The following CELF4 variants were observed in gnomAD, a reference collection of about 807,000 sequenced individuals.
CELF4 encodes CUGBP Elav-like family member 4.
Under a neutral mutation model 59.9 loss-of-function variants are expected in CELF4, and 18 were observed. That is an observed-to-expected ratio of 0.30 (90% confidence interval 0.21 to 0.45). CELF4 has a LOEUF of 0.45. CELF4 is among the 20% of genes least tolerant of loss of function. The pLI is 1.00. For missense variants in CELF4, 456 were observed against 689.0 expected, an observed-to-expected ratio of 0.66 and a Z score of 3.79; for synonymous variants, 261 against 267.1, an observed-to-expected ratio of 0.98 and a Z score of 0.22.
chr18:37,306,885 G>A (rs1010260382), intron 3 of CELF4, among the ~76,000 whole-genome samples: 1 of 152,208 alleles, frequency 6.6e-6, no homozygotes, highest in Admixed American at 6.5e-5. Context: ...ACTCCGTCAG[G>A]GCGAGATTGC....
In CELF4 at chr18:37,254,653, A is replaced by G. The variant is rs1281912155; in HGVS notation, c.1334-715T>C. On this transcript the variant is annotated intron_variant, in intron 11 of 12. Transcript: ENST00000420428. The surrounding 1 kb of genome is among the most constrained non-coding windows in gnomAD (Gnocchi z 5.1). Reference sequence around the variant, plus strand: ...CCGTGGACTAAGCACGCACCAGCTGATATGTCCATAACAAGTCACAAGACC... The same window carrying G: ...CCGTGGACTAAGCACGCACCAGCTGGTATGTCCATAACAAGTCACAAGACC... 6.6e-6 allele frequency among the ~76,000 whole-genome samples: 1 copy of G among 152,214 alleles called. No homozygotes were observed. The highest frequency in any genetic ancestry group is 1.5e-5 in the Non-Finnish European group (1 of 68,030).
chr18:37,315,162 G>C (rs922031243), intron 3 of CELF4, among the ~76,000 whole-genome samples: 1 of 152,112 alleles, frequency 6.6e-6, no homozygotes, highest in Non-Finnish European at 1.5e-5. Flanking sequence ...TCCCTCCCAA[G>C]CCTGTGCCTT....
intron 2 of CELF4, among the ~76,000 whole-genome samples, chr18:37,442,174 G>A (rs1257058827): frequency 6.6e-6 from 1 of 152,086 alleles, no homozygotes; most frequent in Non-Finnish European, 1.5e-5. Context: ...AGAAGAAAGG[G>A]ATAAAAATCA....
At chr18:37,554,500 A>G (rs1038567129) in intron 1 of CELF4, among the ~76,000 whole-genome samples, 1 of 152,154 alleles carries the variant, frequency 6.6e-6, no homozygotes, top group African/African-American at 2.4e-5. Flanking sequence ...GGCCCCATTT[A>G]CTTGCCCTCC....
chr18:37,540,075 T>A (rs765446306), intron 1 of CELF4, among the ~76,000 whole-genome samples: 3 of 152,204 alleles, frequency 2.0e-5, no homozygotes, highest in Non-Finnish European at 4.4e-5. Flanking sequence ...CCAGGGCAGT[T>A]GAATACCACC....
intron 2 of CELF4, among the ~76,000 whole-genome samples, chr18:37,446,348 C>T (rs766672982): frequency 6.6e-6 from 1 of 152,186 alleles, no homozygotes; most frequent in Non-Finnish European, 1.5e-5. Flanking sequence ...GGGGTCGAGC[C>T]AGGCCTGGGT....
chr18:37,435,322 T>C (rs1281210427), intron 2 of CELF4, among the ~76,000 whole-genome samples: 2 of 152,144 alleles, frequency 1.3e-5, no homozygotes, highest in Non-Finnish European at 2.9e-5. Context: ...TGCAGCCCAT[T>C]CCCCAGCCTG....
chr18:37,353,033 A>G (rs944157683), intron 2 of CELF4, among the ~76,000 whole-genome samples: 4 of 152,034 alleles, frequency 2.6e-5, no homozygotes, highest in Admixed American at 6.6e-5. Flanking sequence ...CATCCTGGCT[A>G]ACACGGTGAA....
chr18:37,439,425 G>A (rs984585754), intron 2 of CELF4, among the ~76,000 whole-genome samples: 1 of 152,160 alleles, frequency 6.6e-6, no homozygotes, highest in African/African-American at 2.4e-5. Context: ...GCATGTGTGT[G>A]TGTGCATGTG....
At chr18:37,352,721 G>A (rs1278490114) in intron 2 of CELF4, among the ~76,000 whole-genome samples, 1 of 152,196 alleles carries the variant, frequency 6.6e-6, no homozygotes, top group African/African-American at 2.4e-5. Context: ...GAATCTGGAG[G>A]TCAGCATTGG....
At chr18:37,407,953 T>C (rs1030782890) in intron 2 of CELF4, among the ~76,000 whole-genome samples, 5 of 152,142 alleles carry the variant, frequency 3.3e-5, no homozygotes, top group African/African-American at 1.2e-4. Flanking sequence ...TATTTTTACA[T>C]TGATTTTGGG....
intron 2 of CELF4, among the ~76,000 whole-genome samples, chr18:37,390,688 A>C (rs1199809090): frequency 6.6e-6 from 1 of 151,094 alleles, no homozygotes; most frequent in Admixed American, 6.6e-5. Context: ...GACTGAGTGA[A>C]TGGGTGGATG....
chr18:37,472,896 T>C (rs1280069085), intron 2 of CELF4, among the ~76,000 whole-genome samples: 2 of 152,188 alleles, frequency 1.3e-5, no homozygotes, highest in Admixed American at 1.3e-4. Context: ...GCATTTATGA[T>C]GGTTAAGCTA....
At chr18:37,368,668 A>T (rs1436281217) in intron 2 of CELF4, among the ~76,000 whole-genome samples, 1 of 151,822 alleles carries the variant, frequency 6.6e-6, no homozygotes, top group Admixed American at 6.6e-5. Context: ...TTCCTGCCTG[A>T]CCCCAGGGTT....
intron 2 of CELF4, among the ~76,000 whole-genome samples, chr18:37,383,947 G>T (rs1038157230): frequency 1.3e-5 from 2 of 152,156 alleles, no homozygotes; most frequent in South Asian, 2.1e-4. Context: ...TGGCGGTGAG[G>T]GGGTGGGGGG....
chr18:37,417,634 G>A (rs993055746), intron 2 of CELF4, among the ~76,000 whole-genome samples: 33 of 152,184 alleles, frequency 2.2e-4, no homozygotes, highest in Non-Finnish European at 7.3e-5. Context: ...AGCTCTCCCA[G>A]GAAAAGTGCT....
At chr18:37,405,875 G>C (rs975383441) in intron 2 of CELF4, among the ~76,000 whole-genome samples, 1 of 152,080 alleles carries the variant, frequency 6.6e-6, no homozygotes, top group Admixed American at 6.5e-5. Flanking sequence ...GGTGGTGGGG[G>C]GCTGGGCTGG....
chr18:37,448,280 T>C (rs570533093), intron 2 of CELF4, among the ~76,000 whole-genome samples: 2 of 152,102 alleles, frequency 1.3e-5, no homozygotes, highest in South Asian at 4.2e-4. Context: ...CAGGAATGAG[T>C]TCTCTGAGGA....
chr18:37,500,047 G>A (rs960219961), intron 1 of CELF4, among the ~76,000 whole-genome samples: 5 of 152,186 alleles, frequency 3.3e-5, no homozygotes, highest in Admixed American at 6.5e-5. Flanking sequence ...GCCCAGTGCC[G>A]CCCTGGCAAA....
Sources: allele counts gnomAD v4.1 joint callset (sites outside exome capture counted in the v4.1 genomes callset), GRCh38; gene constraint gnomAD v4.1.1; non-coding constraint Gnocchi (gnomAD v3.1); transcripts MANE v1.5; gene names NCBI Gene and HGNC (gene_info 2026-07-23, HGNC 2026-07-21).